The following HGF variants were observed in gnomAD, a reference collection of about 807,000 sequenced individuals.
The protein encoded by HGF is hepatocyte growth factor, also known as fibroblast-derived tumor cytotoxic factor.
In HGF, 39 loss-of-function variants were observed where a neutral mutation model predicts 111.6. That is an observed-to-expected ratio of 0.35 (90% CI 0.27 to 0.46). The LOEUF (loss-of-function observed/expected upper bound fraction) is 0.46. Among genes scored for constraint, HGF ranks in the 20% least tolerant of loss-of-function variants. The pLI is 1.00. For synonymous variants in HGF, 285 were observed against 294.8 expected (o/e 0.97, Z 0.34); for missense variants, 735 against 910.5 (o/e 0.81, Z 2.48).
rs778483338 is a variant in HGF, at chr7:81,702,571, C to T, written c.*10G>A. 1 of 1,605,650 alleles carries T rather than the reference C, an allele frequency of 6.2e-7. No homozygotes were observed. Among genetic ancestry groups the T allele is most frequent in the Admixed American group, 1.7e-5 (1 of 59,744 alleles). ...TGTATTGGTGGGTGCTTCAGACACA[C>T]TTACTTCAGCTATGACTGTGGTACC... On this transcript the variant is annotated 3_prime_UTR_variant, in exon 18 of 18. Coordinates refer to ENST00000222390, the MANE Select transcript of HGF (RefSeq NM_000601.6).
At chr7:81,727,728 C>T (rs1472190969) in intron 8 of HGF, among the ~76,000 whole-genome samples, 1 of 152,124 alleles carries the variant, frequency 6.6e-6, no homozygotes, top group East Asian at 1.9e-4. Context: ...TCAAGCCATC[C>T]TCCCGTCTCA....
chr7:81,740,224 C>CAT (rs1401367536), intron 7 of HGF, among the ~76,000 whole-genome samples: 3 of 152,174 alleles, frequency 2.0e-5, no homozygotes, highest in Non-Finnish European at 4.4e-5. Context: ...GAGTAAGTGA[C>CAT]ATAATCATTA....
intron 4 of HGF, chr7:81,755,125 G>T (rs1302739719): frequency 2.6e-5 from 4 of 151,922 alleles, no homozygotes; most frequent in Non-Finnish European, 5.9e-5. Context: ...ATGCTGGGTG[G>T]CCAATGAAGG....
At chr7:81,712,799 C>T (rs1463744064) in intron 11 of HGF, among the ~76,000 whole-genome samples, 1 of 152,092 alleles carries the variant, frequency 6.6e-6, no homozygotes, top group Non-Finnish European at 1.5e-5. Context: ...GTAATAGATG[C>T]CAATGTGATT....
rs1252082697 is a variant in HGF, at chr7:81,717,293, A to G, written c.1344T>C (p.His448=). The G allele has an allele frequency of 6.2e-7, 1 of 1,613,332 alleles. No homozygotes were observed. The highest frequency in any genetic ancestry group is 1.3e-5 in the African/African-American group (1 of 74,918). Residue 448 remains histidine, a synonymous_variant, in exon 11 of 18, where the codon CAT becomes CAC. Coordinates refer to ENST00000222390, the MANE Select transcript of HGF (RefSeq NM_000601.6). ...GATTTCCCGTGTAGCACCAGGGTCC[A>G]TGAGCATCATCATCTGGATTTCGGC... The part of the protein sequence containing the change: ...NYCRNPDDDA[H]GPWCYTGNPL...
chr7:81,705,485 T>C lies in HGF; in HGVS notation c.1915A>G (p.Asn639Asp), dbSNP rs2115761370. The C allele has an allele frequency of 1.9e-6, 3 of 1,612,740 alleles. No homozygotes were observed. Among genetic ancestry groups the C allele is most frequent in the Non-Finnish European group, 2.5e-6 (3 of 1,179,110 alleles). Residue 639 changes from asparagine (N) to aspartate (D), a missense_variant, in exon 17 of 18, where the codon AAT (asparagine) becomes GAT (aspartate). Physicochemically the swap from Asn to Asp is conservative, Grantham distance 23. This residue lies in a region of HGF where 130 missense variants were observed against 129.9 expected (regional missense o/e 1.00). Transcript: ENST00000222390. ...LRVAHLYIMGNEKCSQHHRGK... is the reference protein window; with the variant it reads ...LRVAHLYIMGDEKCSQHHRGK... ...CGATGATGCTGGCTGCATTTCTCAT[T>C]TCCCATTATATAGAGATGTGCCACT... is the stretch of plus-strand genomic sequence containing the variant.
intron 9 of HGF, among the ~76,000 whole-genome samples, chr7:81,723,637 T>G (rs1193985104): frequency 6.6e-6 from 1 of 151,122 alleles, no homozygotes; most frequent in East Asian, 1.9e-4. Context: ...CAGTTTTCAT[T>G]TTTCTTTAAT....
chr7:81,718,017 G>A (rs1370470538), intron 10 of HGF, among the ~76,000 whole-genome samples: 5 of 152,062 alleles, frequency 3.3e-5, no homozygotes, highest in Non-Finnish European at 5.9e-5. Flanking sequence ...TTTCATTCAT[G>A]TAACATCAAT....
chr7:81,727,673 A>T (rs1005667143), intron 8 of HGF, among the ~76,000 whole-genome samples: 8 of 152,124 alleles, frequency 5.3e-5, no homozygotes, highest in Non-Finnish European at 8.8e-5. Context: ...TTTGGTAGAG[A>T]TGGAGTCACC....
rs114800752 is a variant in HGF, at chr7:81,736,098, A to T, written c.866-6319T>A. Reference sequence around the variant, plus strand: ...CGAATAGACACCTTAGTTATCAAAGATCTACCCACGTCTCACTTCTAAAGT... The same window carrying T: ...CGAATAGACACCTTAGTTATCAAAGTTCTACCCACGTCTCACTTCTAAAGT... On this transcript the variant is annotated intron_variant, in intron 7 of 17. Transcript: ENST00000222390. Among the ~76,000 whole-genome samples the T allele has an allele frequency of 1.6e-3, 238 of 152,190 alleles. 1 individual carries two copies. Among genetic ancestry groups the T allele is most frequent in the African/African-American group, 5.6e-3 (231 of 41,548 alleles).
At chr7:81,703,614 C>T (rs992318886) in intron 17 of HGF, among the ~76,000 whole-genome samples, 2 of 150,642 alleles carry the variant, frequency 1.3e-5, no homozygotes, top group African/African-American at 4.9e-5. Context: ...AAACAATGCA[C>T]ATAGTGTTAT....
At chr7:81,724,290 A>G (rs1789949546) in intron 9 of HGF, among the ~76,000 whole-genome samples, 1 of 152,096 alleles carries the variant, frequency 6.6e-6, no homozygotes, top group South Asian at 2.1e-4. Flanking sequence ...TCTTCCCTCT[A>G]CAACTCTATT....
chr7:81,732,470 A>G (rs1447687209), intron 7 of HGF, among the ~76,000 whole-genome samples: 2 of 152,086 alleles, frequency 1.3e-5, no homozygotes, highest in African/African-American at 2.4e-5. Flanking sequence ...AATACCAACT[A>G]TCATTTCTAG....
chr7:81,705,317 TAAAC>T (rs998501328), intron 17 of HGF, 69 bp downstream of exon 17: 18 of 1,481,260 alleles, frequency 1.2e-5, no homozygotes, highest in Middle Eastern at 2.3e-4. Flanking sequence ...TTGAGAAAAA[TAAAC>T]AGAAAAAAAT....
chr7:81,723,229 T>C (rs982477456), intron 9 of HGF, among the ~76,000 whole-genome samples: 1 of 151,988 alleles, frequency 6.6e-6, no homozygotes, highest in East Asian at 1.9e-4. Flanking sequence ...CTTGCAATGG[T>C]GAGTAGAAAG....
chr7:81,714,092 C>A (rs2115823846), intron 11 of HGF, among the ~76,000 whole-genome samples: 1 of 151,378 alleles, frequency 6.6e-6, no homozygotes. Context: ...TCCCACTCTT[C>A]TTAAAGCTTT....
intron 2 of HGF, 133 bp downstream of exon 2, chr7:81,762,574 G>A (rs1384413711): frequency 5.3e-6 from 4 of 758,794 alleles, no homozygotes; most frequent in South Asian, 4.6e-5. Context: ...TTCGTTTGTA[G>A]TGAGTTAAAT....
chr7:81,742,356 A>G (rs946589894), intron 7 of HGF, among the ~76,000 whole-genome samples: 2 of 152,230 alleles, frequency 1.3e-5, no homozygotes, highest in Non-Finnish European at 1.5e-5. Context: ...TCATTCTGCT[A>G]TAGTGAAATA....
intron 9 of HGF, among the ~76,000 whole-genome samples, chr7:81,725,149 G>A (rs1328944207): frequency 6.6e-6 from 1 of 152,198 alleles, no homozygotes; most frequent in Non-Finnish European, 1.5e-5. Flanking sequence ...GTCAGATTGT[G>A]TAATTTCTCC....
Sources: gnomAD v4.1 joint callset for allele counts (sites outside exome capture counted in the v4.1 genomes callset) on GRCh38, gnomAD v4.1.1 for gene constraint, gnomAD v4.1.1 regional missense constraint, MANE v1.5 for transcripts, NCBI Gene and HGNC (gene_info 2026-07-23, HGNC 2026-07-21) for gene names.